The following ZMYM4 variants were observed in gnomAD, a reference collection of about 807,000 sequenced individuals.
The protein encoded by ZMYM4 is zinc finger MYM-type protein 4.
ZMYM4 carries 31 observed loss-of-function variants against 183.2 expected under a neutral mutation model. The ratio of observed to expected loss-of-function variants is 0.17; its 90% CI spans 0.13 to 0.23. ZMYM4 has a LOEUF of 0.23. ZMYM4 is among the 10% of genes least tolerant of loss of function. The probability of loss-of-function intolerance (pLI) is 1.00; values close to 1 mark genes in which losing one functional copy is unlikely to be tolerated. For missense variants in ZMYM4, 1,273 were observed against 1,840.3 expected (o/e 0.69, Z 5.64); for synonymous variants, 592 against 631.2 (o/e 0.94, Z 0.93).
intron 1 of ZMYM4, among the ~76,000 whole-genome samples, chr1:35,285,245 G>C (rs1250768263): frequency 1.3e-5 from 2 of 152,032 alleles, no homozygotes; most frequent in African/African-American, 4.8e-5. Flanking sequence ...GATCAAAATT[G>C]AATTTGTAAA....
intron 2 of ZMYM4, among the ~76,000 whole-genome samples, chr1:35,337,432 C>T (rs1273114795): frequency 6.6e-6 from 1 of 152,048 alleles, no homozygotes; most frequent in Non-Finnish European, 1.5e-5. Context: ...TTTTCTATTG[C>T]AAATTTATCC....
At chr1:35,392,169 A>G (rs770462859) in intron 15 of ZMYM4, 43 bp from the exon 16 acceptor site, 7 of 1,612,990 alleles carry the variant, frequency 4.3e-6, no homozygotes, top group African/African-American at 1.3e-5. Context: ...GTAAGTACAT[A>G]TAAATCACGT....
chr1:35,370,110 C>T lies in ZMYM4; in HGVS notation c.922C>T (p.Leu308Phe), dbSNP rs776881996. The T allele has an allele frequency of 6.2e-7, 1 of 1,613,074 alleles. No individual in the cohort carries two copies. Among genetic ancestry groups the T allele is most frequent in the East Asian group, 2.2e-5 (1 of 44,820 alleles). ...TGTGTTTTCAGTCAGTGGCAGCCCT[C>T]TTGGTAAGAAACAGACCTGAATAAA... Reference protein sequence around the residue: ...SAVFSVSGSPLAPQLTTGFQP... With the variant: ...SAVFSVSGSPFAPQLTTGFQP... Residue 308 changes from leucine to phenylalanine, a missense_variant, in exon 6 of 30, where the codon CTT becomes TTT. Around this residue, in one of 6 missense-constraint regions of ZMYM4, gnomAD observed 384 missense variants for 465.6 expected, o/e 0.82. Transcript: ENST00000314607.
chr1:35,362,960 C>T (rs1261800092), intron 5 of ZMYM4, among the ~76,000 whole-genome samples: 3 of 152,312 alleles, frequency 2.0e-5, no homozygotes, highest in East Asian at 3.9e-4. Flanking sequence ...CACTTGAGGT[C>T]AGGAGTTCCA....
At chr1:35,401,534 T>G (rs1181230881) in intron 23 of ZMYM4, among the ~76,000 whole-genome samples, 1 of 152,216 alleles carries the variant, frequency 6.6e-6, no homozygotes, top group Non-Finnish European at 1.5e-5. Flanking sequence ...TGGACATAAT[T>G]TCTTTATCAA....
intron 1 of ZMYM4, among the ~76,000 whole-genome samples, chr1:35,287,949 A>C (rs11264131): frequency 0.034 from 5,163 of 152,122 alleles, 264 homozygotes; most frequent in East Asian, 0.24. Context: ...GTTGCCCTGG[A>C]TGGAATGCAG....
At chr1:35,368,646 C>CTTTA (rs1461486966) in intron 5 of ZMYM4, among the ~76,000 whole-genome samples, 2 of 152,010 alleles carry the variant, frequency 1.3e-5, no homozygotes, top group African/African-American at 4.8e-5. Context: ...TATCAAGAAC[C>CTTTA]TTTACTATGT....
At chr1:35,311,461 G>A (rs564887312) in intron 1 of ZMYM4, among the ~76,000 whole-genome samples, 1 of 151,048 alleles carries the variant, frequency 6.6e-6, no homozygotes, top group South Asian at 2.1e-4. Context: ...AACTACTGTA[G>A]TATATAATGT....
Position 35,418,468 on chromosome 1 carries a change from A to G in ZMYM4, c.4335A>G (p.Lys1445=), listed in dbSNP as rs758242667. ...ATAAACTGACTGTTGGCAAGAGGAA[A>G]CGAAATGAAGATGATGAGGTTCCAG... ...EPDKLTVGKR[K]RNEDDEVPVG... Residue 1445 remains lysine (K), a synonymous_variant, in exon 29 of 30, where the codon AAA becomes AAG. Coordinates refer to ENST00000314607, the MANE Select transcript of ZMYM4 (RefSeq NM_005095.3). The G allele has an allele frequency of 6.2e-7, 1 of 1,613,940 alleles. No individual in the cohort carries two copies. The highest frequency in any genetic ancestry group is 1.3e-5 in the African/African-American group (1 of 74,932).
Position 35,418,469 on chromosome 1 carries a change from C to T in ZMYM4, c.4336C>T (p.Arg1446Ter). 1 of 1,613,686 alleles carries T rather than the reference C, an allele frequency of 6.2e-7. No individual in the cohort carries two copies. The highest frequency in any genetic ancestry group is 8.5e-7 in the Non-Finnish European group (1 of 1,179,866). ...TAAACTGACTGTTGGCAAGAGGAAACGAAATGAAGATGATGAGGTTCCAGT... is the reference window on the plus strand; with the variant it reads ...TAAACTGACTGTTGGCAAGAGGAAATGAAATGAAGATGATGAGGTTCCAGT... ...PDKLTVGKRK[R>*]NEDDEVPVGV... is the part of the protein sequence containing the mutation. Residue 1446 changes from arginine to a stop codon, truncating the protein, a stop_gained, in exon 29 of 30, where the codon CGA becomes TGA. Transcript: ENST00000314607. LOFTEE classifies it high-confidence loss of function.
chr1:35,394,660 A>T (rs556110445), intron 18 of ZMYM4, among the ~76,000 whole-genome samples: 1 of 152,270 alleles, frequency 6.6e-6, no homozygotes, highest in Non-Finnish European at 1.5e-5. Context: ...GTTCTTACCA[A>T]ATTTGAACAG....
At chr1:35,334,163 GA>G (rs1193015264) in intron 2 of ZMYM4, among the ~76,000 whole-genome samples, 4 of 151,924 alleles carry the variant, frequency 2.6e-5, no homozygotes, top group Admixed American at 2.6e-4. Context: ...AGAAAATACA[GA>G]AAAAATTAGT....
At chr1:35,391,900 G>A (rs1339274470) in intron 15 of ZMYM4, among the ~76,000 whole-genome samples, 1 of 151,230 alleles carries the variant, frequency 6.6e-6, no homozygotes, top group Non-Finnish European at 1.5e-5. Flanking sequence ...AATTAGCTGG[G>A]TGTGGTGCTG....
intron 5 of ZMYM4, among the ~76,000 whole-genome samples, chr1:35,362,205 C>A (rs939093755): frequency 6.6e-6 from 1 of 152,152 alleles, no homozygotes. Flanking sequence ...GGTTAATGGA[C>A]AGATCATCTT....
In ZMYM4 at chr1:35,414,096, T is replaced by A; in HGVS notation, c.4060+13T>A. On this transcript the variant is annotated intron_variant, in intron 27 of 29. Coordinates refer to ENST00000314607, the MANE Select transcript of ZMYM4 (RefSeq NM_005095.3). ...ATACTTCCTAATGGTAGGGTGATTT[T>A]TTTTTTATTGTTTTCATGATATGCT... 1 of 1,431,380 alleles carries A rather than the reference T, an allele frequency of 7.0e-7. No homozygotes were observed. The highest frequency in any genetic ancestry group is 2.3e-5 in the East Asian group (1 of 43,470). The allele number at this position is 1,431,380 out of a possible 1,614,324, so 88.7% of individuals were successfully genotyped here. A position where few individuals can be genotyped will look rare whatever the true frequency, so the allele number is the denominator to read the frequency against.
intron 1 of ZMYM4, among the ~76,000 whole-genome samples, chr1:35,310,725 T>C (rs1343696600): frequency 1.3e-5 from 2 of 152,048 alleles, no homozygotes; most frequent in Non-Finnish European, 2.9e-5. Context: ...ATTACAGGCA[T>C]GCACCATCAC....
intron 26 of ZMYM4, among the ~76,000 whole-genome samples, chr1:35,409,726 G>T (rs995815786): frequency 4.6e-5 from 7 of 152,054 alleles, no homozygotes; most frequent in African/African-American, 1.7e-4. Context: ...CAGATCACGA[G>T]GTCAGGAGTT....
At chr1:35,393,165 C>T (rs900650086) in intron 17 of ZMYM4, among the ~76,000 whole-genome samples, 5 of 152,102 alleles carry the variant, frequency 3.3e-5, no homozygotes, top group Non-Finnish European at 7.4e-5. Flanking sequence ...AGGTGTTTCT[C>T]CAGGTTTCTG....
rs141512700 is a variant in ZMYM4, at chr1:35,280,177, C to CCCCTT, written c.39+11110_39+11114dup. Reference sequence around the variant, plus strand: ...CTTCCTTCCTCCCTTCCTCCCTTCCCCCCTTCCCTTCCCTTCCCTTCCTTT... The same window carrying CCCCTT: ...CTTCCTTCCTCCCTTCCTCCCTTCCCCCCTTCCCTTCCCTTCCCTTCCCTTCCTTT... On this transcript the variant is annotated intron_variant, in intron 1 of 29. Transcript: ENST00000314607. Among the ~76,000 whole-genome samples, 25 of 148,134 alleles carry CCCCTT rather than the reference C, an allele frequency of 1.7e-4. No individual in the cohort carries two copies. The South Asian group carries it at 3.4e-3, about 20-fold the overall frequency.
Sources: allele counts gnomAD v4.1 joint callset (sites outside exome capture counted in the v4.1 genomes callset), GRCh38; gene constraint gnomAD v4.1.1; regional missense constraint gnomAD v4.1.1; transcripts MANE v1.5; gene names NCBI Gene and HGNC (gene_info 2026-07-23, HGNC 2026-07-21).